The following ZFP62 variants were observed in gnomAD, a reference collection of about 807,000 sequenced individuals.
The protein encoded by ZFP62 is zinc finger protein 62 homolog.
In ZFP62, 44 loss-of-function variants were observed where a neutral mutation model predicts 56.4. The observed-to-expected ratio is 0.78, with a 90% CI of 0.61 to 1.00. ZFP62 has a LOEUF of 1.00. Ranked by LOEUF, ZFP62 falls within the 50% of genes least tolerant of loss-of-function variation. The pLI, the probability that ZFP62 is intolerant of heterozygous loss-of-function variation, is 0.00. For synonymous variants in ZFP62, 421 were observed against 388.9 expected, an observed-to-expected ratio of 1.08 and a Z score of -0.97; for missense variants, 1,030 against 1,085.7, an observed-to-expected ratio of 0.95 and a Z score of 0.72.
In ZFP62 at chr5:180,849,013, C is replaced by T. The variant is rs1445734461; in HGVS notation, c.2482G>A (p.Asp828Asn). 1 of 1,551,722 alleles carries T rather than the reference C, an allele frequency of 6.4e-7. No individual in the cohort carries two copies. The highest frequency in any genetic ancestry group is 1.4e-5 in the African/African-American group (1 of 73,000). Residue 828 changes from aspartate to asparagine, a missense_variant, in exon 2 of 2, where the codon GAC becomes AAC. Physicochemically the swap from Asp to Asn is conservative, Grantham distance 23 (BLOSUM62 1). Transcript: ENST00000502412. ...CCAGTGTGGATCCTTTTGTGCTGGT[C>T]AAGGACTGATCTATAATTGAAGGAT... is the stretch of plus-strand genomic sequence containing the variant. Reference protein sequence around the residue: ...GKSFNYRSVLDQHKRIHTGKK... With the variant: ...GKSFNYRSVLNQHKRIHTGKK...
intron 1 of ZFP62, among the ~76,000 whole-genome samples, chr5:180,859,547 A>C (rs539244385): frequency 6.6e-6 from 1 of 152,212 alleles, no homozygotes; most frequent in African/African-American, 2.4e-5. Flanking sequence ...TTTTTCCTTA[A>C]AGTAAAAAAC....
the ZFP62 span, among the ~76,000 whole-genome samples, chr5:180,833,928 C>T: frequency 6.6e-6 from 1 of 152,120 alleles, no homozygotes; most frequent in East Asian, 1.9e-4. Flanking sequence ...CTCGGCCTCC[C>T]AAAGTGCTGG....
chr5:180,846,761 C>A (rs955011898), downstream of ZFP62, among the ~76,000 whole-genome samples: 5 of 152,206 alleles, frequency 3.3e-5, no homozygotes, highest in African/African-American at 9.6e-5. Context: ...CTTTATTCAT[C>A]CTCATCTACC....
chr5:180,848,346 T>G lies in ZFP62; in HGVS notation c.*446A>C, dbSNP rs574974058. 15 of 987,638 alleles carry G rather than the reference T, an allele frequency of 1.5e-5. No individual in the cohort carries two copies. The highest frequency in any genetic ancestry group is 5.2e-4 in the Middle Eastern group (1 of 1,918). The allele number at this position is 987,638 out of a possible 1,614,324, so 61.2% of individuals were successfully genotyped here. A position where few individuals can be genotyped will look rare whatever the true frequency, so the allele number is the denominator to read the frequency against. On this transcript the variant is annotated 3_prime_UTR_variant, in exon 2 of 2. Coordinates refer to ENST00000502412, the MANE Select transcript of ZFP62 (RefSeq NM_001172638.2). Reference sequence around the variant, plus strand: ...AACCTATCCTCCCTGAATTTGCCTGTTGGAGGCCCTTAGTTTTCCCACTGA... The same window carrying G: ...AACCTATCCTCCCTGAATTTGCCTGGTGGAGGCCCTTAGTTTTCCCACTGA...
At chr5:180,833,655 C>T in the ZFP62 span, among the ~76,000 whole-genome samples, 59 of 151,284 alleles carry the variant, frequency 3.9e-4, 1 homozygote, top group South Asian at 0.012. Context: ...AATTTCTCCA[C>T]CACTCTATGA....
At chr5:180,840,448 G>C in the ZFP62 span, among the ~76,000 whole-genome samples, 10 of 152,132 alleles carry the variant, frequency 6.6e-5, no homozygotes, top group Non-Finnish European at 1.3e-4. Flanking sequence ...ACTGGGAAAC[G>C]TAACTCTTCC....
the ZFP62 span, among the ~76,000 whole-genome samples, chr5:180,833,098 C>G: frequency 6.6e-6 from 1 of 152,108 alleles, no homozygotes; most frequent in South Asian, 2.1e-4. Flanking sequence ...GACTGTCACC[C>G]CAAAATTAAT....
the ZFP62 span, among the ~76,000 whole-genome samples, chr5:180,828,595 C>T: frequency 6.6e-6 from 1 of 152,190 alleles, no homozygotes; most frequent in African/African-American, 2.4e-5. Context: ...ATCCTGTTAT[C>T]TTCATAAGCT....
intron 1 of ZFP62, 22 bp from the exon 2 acceptor site, chr5:180,851,515 G>C (rs1773711515): frequency 6.6e-7 from 1 of 1,506,772 alleles, no homozygotes; most frequent in East Asian, 2.5e-5. Flanking sequence ...AAATGAAAAG[G>C]ACACCTATTC....
downstream of ZFP62, among the ~76,000 whole-genome samples, chr5:180,845,064 G>A (rs1202580398): frequency 6.6e-6 from 1 of 152,106 alleles, no homozygotes; most frequent in Non-Finnish European, 1.5e-5. Context: ...GCCTGTGGTG[G>A]TTCAGGCCTG....
Position 180,850,728 on chromosome 5 carries a change from C to A in ZFP62, c.767G>T (p.Gly256Val), listed in dbSNP as rs867969193. The A allele has an allele frequency of 1.2e-6, 2 of 1,606,208 alleles. No homozygotes were observed. Among genetic ancestry groups the A allele is most frequent in the Non-Finnish European group, 1.7e-6 (2 of 1,176,294 alleles). ...GTTCCTGAAGGCCTTCCCACACTCA[C>A]CACATTCATAGGGCTTCTCCCCAGT... Reference protein sequence around the residue: ...IHTGEKPYECGECGKAFRNSS... With the variant: ...IHTGEKPYECVECGKAFRNSS... Residue 256 changes from glycine to valine, a missense_variant, in exon 2 of 2, where the codon GGT (glycine) becomes GTT (valine). Gly to Val is a moderately radical substitution (Grantham distance 109). Coordinates refer to ENST00000502412, the MANE Select transcript of ZFP62 (RefSeq NM_001172638.2).
chr5:180,844,928 T>C (rs1177902401), downstream of ZFP62, among the ~76,000 whole-genome samples: 1 of 152,182 alleles, frequency 6.6e-6, no homozygotes, highest in East Asian at 1.9e-4. Context: ...TACATTCTTA[T>C]GCAAATACTT....
At chr5:180,837,908 C>T in the ZFP62 span, among the ~76,000 whole-genome samples, 2 of 152,094 alleles carry the variant, frequency 1.3e-5, no homozygotes, top group East Asian at 1.9e-4. Context: ...GCTGATGCAC[C>T]TTCAAGTACA....
chr5:180,850,823 G>C lies in ZFP62; in HGVS notation c.672C>G (p.Asn224Lys), dbSNP rs748496413. The C allele has an allele frequency of 4.5e-6, 7 of 1,568,546 alleles. No homozygotes were observed. In the South Asian group the frequency reaches 7.0e-5, roughly 16 times the overall value. ...NHKSTHSGEK[N>K]CKCDECGKSF... is the part of the protein sequence containing the mutation. The stretch of plus-strand genomic sequence containing the variant: ...ATTTTCCACATTCATCACATTTACA[G>C]TTCTTCTCCCCAGAATGGGTGCTTT... Residue 224 changes from asparagine to lysine, a missense_variant, in exon 2 of 2, where the codon AAC becomes AAG. By Grantham distance (94) the Asn-to-Lys change is moderately conservative (BLOSUM62 0). Coordinates refer to ENST00000502412, the MANE Select transcript of ZFP62 (RefSeq NM_001172638.2).
the ZFP62 span, among the ~76,000 whole-genome samples, chr5:180,833,960 C>T: frequency 5.3e-5 from 8 of 152,272 alleles, no homozygotes; most frequent in African/African-American, 7.2e-5. Context: ...TGAGCCACTG[C>T]GCCCAGCTGG....
At chr5:180,840,048 A>G in the ZFP62 span, among the ~76,000 whole-genome samples, 3 of 151,336 alleles carry the variant, frequency 2.0e-5, no homozygotes, top group African/African-American at 7.4e-5. Flanking sequence ...TAAAGAAAGA[A>G]TGTCAGGAAG....
the ZFP62 span, among the ~76,000 whole-genome samples, chr5:180,840,201 C>T: frequency 6.6e-6 from 1 of 152,196 alleles, no homozygotes; most frequent in Non-Finnish European, 1.5e-5. Flanking sequence ...TGCTTGGGCA[C>T]AGTGGACAGT....
At chr5:180,851,643 G>T in intron 1 of ZFP62, 150 bp from the exon 2 acceptor site, 2 of 947,682 alleles carry the variant, frequency 2.1e-6, no homozygotes, top group Non-Finnish European at 3.0e-6. Flanking sequence ...CGGTTTTTAA[G>T]TACTAGGGAT....
the ZFP62 span, among the ~76,000 whole-genome samples, chr5:180,833,920 C>T: frequency 4.6e-5 from 7 of 152,142 alleles, no homozygotes; most frequent in South Asian, 6.2e-4. Context: ...CCGCCCGCCT[C>T]GGCCTCCCAA....
Sources: allele counts gnomAD v4.1 joint callset (sites outside exome capture counted in the v4.1 genomes callset), GRCh38; gene constraint gnomAD v4.1.1; transcripts MANE v1.5; gene names NCBI Gene and HGNC (gene_info 2026-07-23, HGNC 2026-07-21).